The following KDM4C variants were observed in gnomAD, a reference collection of about 807,000 sequenced individuals.
KDM4C encodes the protein lysine-specific demethylase 4C.
KDM4C carries 81 observed loss-of-function variants against 129.3 expected under a neutral mutation model. The observed-to-expected ratio is 0.63, with a 90% CI of 0.52 to 0.75. The LOEUF (loss-of-function observed/expected upper bound fraction) is 0.75. Among genes scored for constraint, KDM4C ranks in the 30% least tolerant of loss-of-function variants. KDM4C has a pLI of 0.00. For synonymous variants in KDM4C, 573 were observed against 456.1 expected, an observed-to-expected ratio of 1.26 and a Z score of -3.26; for missense variants, 1,457 against 1,304.0, an observed-to-expected ratio of 1.12 and a Z score of -1.81.
chr9:6,811,048 A>G (rs1017544465), intron 3 of KDM4C, among the ~76,000 whole-genome samples: 8 of 152,194 alleles, frequency 5.3e-5, no homozygotes, highest in African/African-American at 1.9e-4. Flanking sequence ...AAGCCTCAAG[A>G]ACCAATGCTC....
At chr9:7,143,764 AATAG>A (rs1397661897) in intron 19 of KDM4C, among the ~76,000 whole-genome samples, 1 of 152,190 alleles carries the variant, frequency 6.6e-6, no homozygotes, top group African/African-American at 2.4e-5. Flanking sequence ...ATGTTGACTA[AATAG>A]ATTGATTCAT....
At chr9:6,848,927 AG>A (rs1727647563) in intron 4 of KDM4C, among the ~76,000 whole-genome samples, 1 of 152,260 alleles carries the variant, frequency 6.6e-6, no homozygotes, top group African/African-American at 2.4e-5. Context: ...CACAGTGATC[AG>A]TGGATACTGC....
At chr9:7,117,730 C>G (rs1839064708) in intron 18 of KDM4C, among the ~76,000 whole-genome samples, 1 of 151,792 alleles carries the variant, frequency 6.6e-6, no homozygotes, top group South Asian at 2.1e-4. Flanking sequence ...TGTTGGCACC[C>G]AAGAAGCCTG....
chr9:6,802,818 G>GT (rs1829260434), intron 2 of KDM4C, among the ~76,000 whole-genome samples: 1 of 152,208 alleles, frequency 6.6e-6, no homozygotes, highest in Non-Finnish European at 1.5e-5. Flanking sequence ...TGTTGGCCAA[G>GT]CTGATCTTAA....
intron 1 of KDM4C, among the ~76,000 whole-genome samples, chr9:6,787,765 C>G (rs745395262): frequency 1.1e-4 from 17 of 152,176 alleles, no homozygotes; most frequent in Middle Eastern, 3.2e-3. Context: ...ATGTGATTTA[C>G]AATATGTGAG....
At position 7,013,754 on chromosome 9, in the gene KDM4C, T is replaced by G. The variant is rs202177365; in HGVS notation, c.1969-34T>G. On this transcript the variant is annotated intron_variant, in intron 13 of 21. Coordinates refer to ENST00000381309, the MANE Select transcript of KDM4C (RefSeq NM_015061.6). ...CTAGAATGATGAGCTCTTTTCCATGTTTTTCACTCATGTGGAAACGTTATG... is the reference window on the plus strand; with the variant it reads ...CTAGAATGATGAGCTCTTTTCCATGGTTTTCACTCATGTGGAAACGTTATG... The G allele has an allele frequency of 8.5e-5, 135 of 1,597,234 alleles. 2 individuals are homozygous for G. In the Middle Eastern group the frequency reaches 1.0e-3, roughly 12 times the overall value.
At chr9:6,733,329 G>A (rs1588040855) in intron 1 of KDM4C, among the ~76,000 whole-genome samples, 2 of 152,220 alleles carry the variant, frequency 1.3e-5, no homozygotes, top group South Asian at 4.1e-4. Context: ...TTTCTGATGG[G>A]ACCATCTGAA....
At chr9:6,832,979 G>A (rs1172690242) in intron 4 of KDM4C, among the ~76,000 whole-genome samples, 2 of 147,668 alleles carry the variant, frequency 1.4e-5, no homozygotes, top group African/African-American at 2.5e-5. Flanking sequence ...TAGGTGATCT[G>A]CTTGCCTCGG....
chr9:7,122,594 T>G (rs182948710), intron 18 of KDM4C, among the ~76,000 whole-genome samples: 18 of 152,230 alleles, frequency 1.2e-4, no homozygotes, highest in Admixed American at 3.9e-4. Flanking sequence ...CTCACAAAAT[T>G]ATTGGGAGAA....
chr9:6,942,175 T>G (rs866677234), intron 8 of KDM4C, among the ~76,000 whole-genome samples: 6 of 152,132 alleles, frequency 3.9e-5, no homozygotes, highest in African/African-American at 1.4e-4. Context: ...TAAAACTGGT[T>G]TCTTGTAATT....
intron 15 of KDM4C, among the ~76,000 whole-genome samples, chr9:7,034,313 C>T (rs1827273108): frequency 6.6e-6 from 1 of 152,180 alleles, no homozygotes; most frequent in Non-Finnish European, 1.5e-5. Flanking sequence ...TTAGTCCTAT[C>T]TAGCTGTAAT....
intron 4 of KDM4C, among the ~76,000 whole-genome samples, chr9:6,848,830 T>C (rs1838325023): frequency 6.6e-6 from 1 of 152,208 alleles, no homozygotes; most frequent in Admixed American, 6.5e-5. Context: ...TTACCAAAGT[T>C]GGGATAAGTA....
chr9:6,759,424 T>A (rs1214994546), intron 1 of KDM4C, among the ~76,000 whole-genome samples: 1 of 152,188 alleles, frequency 6.6e-6, no homozygotes, highest in Non-Finnish European at 1.5e-5. Flanking sequence ...GGCTCTGCTT[T>A]GCGATTATCG....
chr9:7,110,494 C>T (rs1838198779), intron 18 of KDM4C, among the ~76,000 whole-genome samples: 1 of 151,950 alleles, frequency 6.6e-6, no homozygotes, highest in South Asian at 2.1e-4. Context: ...AGATTTGGAC[C>T]TGTTTTTCTA....
intron 8 of KDM4C, among the ~76,000 whole-genome samples, chr9:6,922,211 G>A (rs919382377): frequency 6.6e-6 from 1 of 152,150 alleles, no homozygotes. Context: ...ATGTTTTTGT[G>A]AATTTCTATC....
intron 8 of KDM4C, among the ~76,000 whole-genome samples, chr9:6,964,792 A>C (rs1207234960): frequency 1.3e-5 from 2 of 150,644 alleles, no homozygotes; most frequent in African/African-American, 2.4e-5. Flanking sequence ...AAAAAAAAAA[A>C]AAAAAAAAAC....
intron 18 of KDM4C, 24 bp from the exon 19 acceptor site, chr9:7,128,042 C>T (rs1011332284): frequency 3.5e-6 from 5 of 1,439,740 alleles, no homozygotes; most frequent in African/African-American, 2.9e-5. Context: ...TTCTTTTCTT[C>T]CTTTTTTGTG....
intron 1 of KDM4C, among the ~76,000 whole-genome samples, chr9:6,791,946 C>T (rs542393698): frequency 1.3e-3 from 203 of 152,174 alleles, no homozygotes; most frequent in African/African-American, 3.9e-3. Flanking sequence ...CACTGGAACC[C>T]GGGAGGTCGA....
intron 16 of KDM4C, among the ~76,000 whole-genome samples, chr9:7,047,362 G>A (rs1310007748): frequency 6.6e-6 from 1 of 152,018 alleles, no homozygotes; most frequent in Non-Finnish European, 1.5e-5. Flanking sequence ...AAATTTATGA[G>A]AATGTAAGTG....
Sources: gnomAD v4.1 joint callset for allele counts (sites outside exome capture counted in the v4.1 genomes callset) on GRCh38, gnomAD v4.1.1 for gene constraint, MANE v1.5 for transcripts, NCBI Gene and HGNC (gene_info 2026-07-23, HGNC 2026-07-21) for gene names.